CDH8: variants seen among roughly 807,000 people sequenced by gnomAD.
CDH8 encodes cadherin-8.
Under a neutral mutation model 68.1 loss-of-function variants are expected in CDH8, and 17 were observed. The observed-to-expected ratio is 0.25, with a 90% CI of 0.17 to 0.37. The LOEUF is 0.37. CDH8 is among the 10% of genes least tolerant of loss of function. The probability of loss-of-function intolerance (pLI) is 1.00; values close to 1 mark genes in which losing one functional copy is unlikely to be tolerated. For missense variants in CDH8, 763 were observed against 999.3 expected (o/e 0.76, Z 3.19); for synonymous variants, 372 against 365.1 (o/e 1.02, Z -0.21).
chr16:61,680,750 GT>G (rs1289549604), intron 10 of CDH8, among the ~76,000 whole-genome samples: 1 of 151,818 alleles, frequency 6.6e-6, no homozygotes, highest in Non-Finnish European at 1.5e-5. Flanking sequence ...GTTATAACCT[GT>G]AAGGTTTTAA....
chr16:61,982,514 C>T (rs764471049), intron 2 of CDH8, among the ~76,000 whole-genome samples: 1 of 152,182 alleles, frequency 6.6e-6, no homozygotes, highest in Non-Finnish European at 1.5e-5. Flanking sequence ...CCACCGCGCC[C>T]GGCTAGGCAA....
At chr16:62,007,491 T>C (rs1965996505) in intron 2 of CDH8, among the ~76,000 whole-genome samples, 2 of 152,188 alleles carry the variant, frequency 1.3e-5, no homozygotes, top group Non-Finnish European at 2.9e-5. Flanking sequence ...GATCATCATG[T>C]TTGTTGGTTC....
intron 10 of CDH8, among the ~76,000 whole-genome samples, chr16:61,691,320 T>C (rs1964217992): frequency 6.6e-6 from 1 of 152,112 alleles, no homozygotes; most frequent in Non-Finnish European, 1.5e-5. Flanking sequence ...TTTACCTATT[T>C]GCACTATCAA....
At chr16:62,025,992 T>C (rs765475531) in intron 1 of CDH8, among the ~76,000 whole-genome samples, 2 of 152,146 alleles carry the variant, frequency 1.3e-5, no homozygotes, top group Non-Finnish European at 2.9e-5. Context: ...CAGACACTGT[T>C]AAAAGCCTGA....
chr16:61,783,788 T>C (rs1961154232), intron 8 of CDH8, among the ~76,000 whole-genome samples: 1 of 152,050 alleles, frequency 6.6e-6, no homozygotes, highest in Non-Finnish European at 1.5e-5. Context: ...TATTCAACAT[T>C]CTTAAAGAAA....
At chr16:61,919,833 C>T (rs528432992) in intron 2 of CDH8, among the ~76,000 whole-genome samples, 43 of 152,262 alleles carry the variant, frequency 2.8e-4, no homozygotes, top group Middle Eastern at 3.4e-3. Flanking sequence ...GGAGGCCTCA[C>T]GCTACCTGAC....
intron 10 of CDH8, among the ~76,000 whole-genome samples, chr16:61,672,170 G>A (rs1220041822): frequency 1.3e-5 from 2 of 151,952 alleles, no homozygotes; most frequent in Non-Finnish European, 1.5e-5. Flanking sequence ...CTGGTAGTGG[G>A]TAGTGATATA....
chr16:61,973,272 AG>A (rs1965376049), intron 2 of CDH8, among the ~76,000 whole-genome samples: 1 of 152,234 alleles, frequency 6.6e-6, no homozygotes, highest in Non-Finnish European at 1.5e-5. Context: ...CTTAATGAAT[AG>A]TAAATAGATT....
At chr16:61,706,461 C>CA (rs527236626) in intron 10 of CDH8, among the ~76,000 whole-genome samples, 120 of 147,818 alleles carry the variant, frequency 8.1e-4, no homozygotes, top group African/African-American at 9.6e-4. Context: ...ACTAAAAATG[C>CA]AAAAAAAAAA....
At chr16:61,897,112 CTA>C (rs767042464) in intron 3 of CDH8, among the ~76,000 whole-genome samples, 2 of 148,904 alleles carry the variant, frequency 1.3e-5, no homozygotes, top group African/African-American at 4.9e-5. Flanking sequence ...ACATACATAA[CTA>C]TGAATTCTAT....
chr16:61,725,647 T>C (rs1959338520), intron 9 of CDH8: 1 of 150,758 alleles, frequency 6.6e-6, no homozygotes. Context: ...ATGATATGTA[T>C]TGATATGTGT....
chr16:61,899,524 CAGGAGGAGAAAATGA>C (rs972042778), intron 3 of CDH8, among the ~76,000 whole-genome samples: 1 of 151,360 alleles, frequency 6.6e-6, no homozygotes, highest in African/African-American at 2.4e-5. Context: ...GAAGAAGAAA[CAGGAGGAGAAAATGA>C]AGGAGGAGAA....
intron 3 of CDH8, among the ~76,000 whole-genome samples, chr16:61,863,153 G>T (rs1963183856): frequency 6.6e-6 from 1 of 152,114 alleles, no homozygotes. Flanking sequence ...GGTGAATTCT[G>T]CATTAAACAA....
At position 61,652,740 on chromosome 16, in the gene CDH8, T is replaced by A. The variant is rs1963349437; in HGVS notation, c.*868A>T. The A allele has an allele frequency of 7.6e-7, 1 of 1,318,328 alleles. No individual in the cohort carries two copies. The highest frequency in any genetic ancestry group is 9.7e-7 in the Non-Finnish European group (1 of 1,035,126). 81.7% of individuals were successfully genotyped at this position (1,318,328 alleles called of 1,614,324 possible). A position where few individuals can be genotyped will look rare whatever the true frequency, so the allele number is the denominator to read the frequency against. The stretch of plus-strand genomic sequence containing the variant: ...TACCGACCTTAATAAATAAAAGCAT[T>A]AATGGACATCAATAAAATATTTATT... On this transcript the variant is annotated 3_prime_UTR_variant, in exon 12 of 12. Coordinates refer to ENST00000577390, the MANE Select transcript of CDH8 (RefSeq NM_001796.5).
chr16:61,893,811 G>A (rs910547649), intron 3 of CDH8, among the ~76,000 whole-genome samples: 3 of 152,008 alleles, frequency 2.0e-5, no homozygotes, highest in East Asian at 1.9e-4. Context: ...AACAGAAATC[G>A]AAAAGTCAAA....
At chr16:62,027,813 ACCTTT>A (rs1340286193) in intron 1 of CDH8, among the ~76,000 whole-genome samples, 2 of 152,150 alleles carry the variant, frequency 1.3e-5, no homozygotes, top group African/African-American at 4.8e-5. Flanking sequence ...CAGGAAGATC[ACCTTT>A]CCTAAAGCCT....
intron 4 of CDH8, among the ~76,000 whole-genome samples, chr16:61,854,510 T>C (rs754954636): frequency 4.6e-5 from 7 of 152,102 alleles, no homozygotes; most frequent in Non-Finnish European, 1.0e-4. Flanking sequence ...GGAACTTCCA[T>C]GTCCAAGTCG....
At chr16:61,792,979 T>C (rs1961413453) in intron 7 of CDH8, among the ~76,000 whole-genome samples, 1 of 151,954 alleles carries the variant, frequency 6.6e-6, no homozygotes, top group African/African-American at 2.4e-5. Flanking sequence ...ATTCCCAAAA[T>C]ACATATGTTG....
intron 4 of CDH8, among the ~76,000 whole-genome samples, chr16:61,844,809 G>A (rs1481801966): frequency 2.0e-5 from 3 of 152,060 alleles, no homozygotes; most frequent in African/African-American, 4.8e-5. Context: ...GAAAAAACAC[G>A]ACCTGTGGCA....
Sources: allele counts gnomAD v4.1 joint callset (sites outside exome capture counted in the v4.1 genomes callset), GRCh38; gene constraint gnomAD v4.1.1; transcripts MANE v1.5; gene names NCBI Gene and HGNC (gene_info 2026-07-23, HGNC 2026-07-21).